The following AKAP8 variants were observed in gnomAD, a reference collection of about 807,000 sequenced individuals.
AKAP8 encodes the protein A-kinase anchoring protein 8, also known as A-kinase anchor protein 8.
Under a neutral mutation model 67.5 loss-of-function variants are expected in AKAP8, and 24 were observed. The observed-to-expected ratio is 0.36, with a 90% CI of 0.26 to 0.50. AKAP8 has a LOEUF of 0.50. Ranked by LOEUF, AKAP8 falls within the 20% of genes least tolerant of loss-of-function variation. The pLI is 0.97. For synonymous variants in AKAP8, 400 were observed against 371.1 expected (o/e 1.08, Z -0.90); for missense variants, 971 against 955.9 (o/e 1.02, Z -0.21).
In AKAP8 at chr19:15,359,029, G is replaced by A; in HGVS notation, c.1561C>T (p.His521Tyr). 1.9e-6 allele frequency: 3 copies of A among 1,614,196 alleles called. No homozygotes were observed. The highest frequency in any genetic ancestry group is 2.5e-6 in the Non-Finnish European group (3 of 1,180,056). ...AAEQFKKTSL[H>Y]VAKSVLNNRH... ...TTGTTCAAAACACTCTTAGCCACATGGAGACTGGTTTTCTTGAACTGTTCA... is the reference window on the plus strand; with the variant it reads ...TTGTTCAAAACACTCTTAGCCACATAGAGACTGGTTTTCTTGAACTGTTCA... The change falls in exon 13 of 14, where the codon CAT becomes TAT. Residue 521 changes from histidine to tyrosine, a missense_variant. This residue lies in a region of AKAP8 where 763 missense variants were observed against 745.4 expected (regional missense o/e 1.02). Coordinates refer to ENST00000269701, the MANE Select transcript of AKAP8 (RefSeq NM_005858.4).
chr19:15,357,959 A>G (rs1966906684), intron 13 of AKAP8, among the ~76,000 whole-genome samples: 1 of 152,120 alleles, frequency 6.6e-6, no homozygotes, highest in South Asian at 2.1e-4. Flanking sequence ...CTGGGATTAC[A>G]GGTGTGAGCC....
chr19:15,355,241 C>T lies in AKAP8; in HGVS notation c.1753G>A (p.Ala585Thr). Reference sequence around the variant, plus strand: ...CCTTCCCCATCTACGGCCCTCACTGCTGCTGTAATCACCTCTGCTAAGACG... The same window carrying T: ...CCTTCCCCATCTACGGCCCTCACTGTTGCTGTAATCACCTCTGCTAAGACG... ...ADVLAEVITAAVRAVDGEGAP... is the reference protein window; with the variant it reads ...ADVLAEVITATVRAVDGEGAP... Residue 585 changes from alanine to threonine, a missense_variant, in exon 14 of 14, where the codon GCA becomes ACA. Physicochemically the swap from Ala to Thr is moderately conservative, Grantham distance 58. Transcript: ENST00000269701. 1 of 1,611,902 alleles carries T rather than the reference C, an allele frequency of 6.2e-7. No homozygotes were observed. The highest frequency in any genetic ancestry group is 8.5e-7 in the Non-Finnish European group (1 of 1,180,024).
chr19:15,363,243 C>A (rs543846317), intron 9 of AKAP8, among the ~76,000 whole-genome samples: 2 of 150,534 alleles, frequency 1.3e-5, no homozygotes, highest in Non-Finnish European at 3.0e-5. Flanking sequence ...ATCAGCCCCC[C>A]GCCCGGCCAG....
rs768497457 is a variant in AKAP8 at position 15,355,190 on chromosome 19, C to G, written c.1804G>C (p.Glu602Gln). 16 of 1,611,854 alleles carry G rather than the reference C, an allele frequency of 9.9e-6. No homozygotes were observed. The South Asian group carries it at 1.6e-4, about 17-fold the overall frequency. ...EGAPAPESSG[E>Q]PAEDEGPTDT... The stretch of plus-strand genomic sequence containing the variant: ...GTGGGGCCTTCGTCCTCAGCCGGCT[C>G]CCCGCTGCTCTCTGGAGCGGGCGCT... Residue 602 changes from glutamate (E) to glutamine (Q), a missense_variant, in exon 14 of 14, where the codon GAG (glutamate) becomes CAG (glutamine). Glu to Gln is a conservative substitution (Grantham distance 29). Around this residue, in one of 3 missense-constraint regions of AKAP8, gnomAD observed 204 missense variants for 193.0 expected, o/e 1.06. Transcript: ENST00000269701.
Position 15,373,770 on chromosome 19 carries a change from T to C in AKAP8, c.371+16A>G. 6.3e-7 allele frequency: 1 copy of C among 1,599,594 alleles called. No homozygotes were observed. The highest frequency in any genetic ancestry group is 8.5e-7 in the Non-Finnish European group (1 of 1,176,558). ...GATGTGTGGGGTCCCGGGGGAGGGC[T>C]TGGGTCCATAATCACCTCTCCCGGT... is the stretch of plus-strand genomic sequence containing the variant. On this transcript the variant is annotated intron_variant, in intron 4 of 13. Coordinates refer to ENST00000269701, the MANE Select transcript of AKAP8 (RefSeq NM_005858.4).
In AKAP8 at chr19:15,363,373, G is replaced by T. The variant is rs1197235385; in HGVS notation, c.1161-1122C>A. On this transcript the variant is annotated intron_variant, in intron 9 of 13. Coordinates refer to ENST00000269701, the MANE Select transcript of AKAP8 (RefSeq NM_005858.4). ...GGAGGTGGGGGGGGGTCAGCCCCCCGCCCGGCCAGCCGCCCCGTCCGGGAA... is the reference window on the plus strand; with the variant it reads ...GGAGGTGGGGGGGGGTCAGCCCCCCTCCCGGCCAGCCGCCCCGTCCGGGAA... 4.5e-4 allele frequency among the ~76,000 whole-genome samples: 46 copies of T among 102,390 alleles called. 2 individuals carry two copies. Among genetic ancestry groups the T allele is most frequent in the Admixed American group, 1.3e-3 (13 of 9,778 alleles). 67.2% of individuals were successfully genotyped at this position (102,390 alleles called of 152,430 possible). A position where few individuals can be genotyped will look rare whatever the true frequency, so the allele number is the denominator to read the frequency against.
At chr19:15,355,900 C>T (rs1212284434) in intron 13 of AKAP8, among the ~76,000 whole-genome samples, 1 of 152,118 alleles carries the variant, frequency 6.6e-6, no homozygotes, top group South Asian at 2.1e-4. Context: ...CCACGCCCGG[C>T]TAATTTTGTA....
chr19:15,364,844 C>T (rs939515160), intron 9 of AKAP8, among the ~76,000 whole-genome samples: 4 of 152,158 alleles, frequency 2.6e-5, no homozygotes, highest in African/African-American at 9.7e-5. Flanking sequence ...TTCTCAAACT[C>T]CTGGGCTCAA....
chr19:15,373,739 G>A (rs771550417), intron 4 of AKAP8, 47 bp downstream of exon 4: 2 of 1,564,042 alleles, frequency 1.3e-6, no homozygotes, highest in Non-Finnish European at 8.6e-7. Context: ...TGCGCACAAA[G>A]GTGGGGATGT....
intron 13 of AKAP8, among the ~76,000 whole-genome samples, chr19:15,356,102 T>C (rs2048276503): frequency 6.6e-6 from 1 of 152,018 alleles, no homozygotes. Flanking sequence ...CTTGATGTTT[T>C]TTAAAAAAGG....
intron 9 of AKAP8, among the ~76,000 whole-genome samples, chr19:15,364,120 A>AAAAAAAG (rs1339797846): frequency 6.9e-6 from 1 of 144,842 alleles, no homozygotes; most frequent in Admixed American, 6.9e-5. Flanking sequence ...AAAAAAAAAA[A>AAAAAAAG]AAAAAGAAAC....
intron 2 of AKAP8, among the ~76,000 whole-genome samples, chr19:15,375,722 C>T (rs1967240724): frequency 6.6e-6 from 1 of 151,508 alleles, no homozygotes; most frequent in African/African-American, 2.4e-5. Context: ...CTGCAAGCTC[C>T]ACCTCCTGGG....
chr19:15,357,254 C>T (rs574437576), intron 13 of AKAP8, among the ~76,000 whole-genome samples: 5 of 151,394 alleles, frequency 3.3e-5, no homozygotes, highest in South Asian at 2.1e-4. Context: ...CCACCACGCC[C>T]GGCCACCCCA....
chr19:15,358,359 CTT>C (rs764788121), intron 13 of AKAP8, among the ~76,000 whole-genome samples: 2 of 143,878 alleles, frequency 1.4e-5, no homozygotes, highest in Non-Finnish European at 1.5e-5. Flanking sequence ...ACCTTGGATT[CTT>C]TTTTTTTTTT....
At chr19:15,358,127 C>CT (rs1457824678) in intron 13 of AKAP8, among the ~76,000 whole-genome samples, 3 of 152,162 alleles carry the variant, frequency 2.0e-5, no homozygotes, top group Admixed American at 2.0e-4. Flanking sequence ...GCCCCAAATG[C>CT]TAAAGTCCTG....
At chr19:15,377,620 C>T (rs369212763) in intron 1 of AKAP8, among the ~76,000 whole-genome samples, 12 of 152,212 alleles carry the variant, frequency 7.9e-5, no homozygotes, top group African/African-American at 2.7e-4. Context: ...AGGCGCCTGC[C>T]ACCACGCCCG....
In AKAP8 at chr19:15,353,499, C is replaced by G. The variant is rs529596823; in HGVS notation, c.*1416G>C. On this transcript the variant is annotated 3_prime_UTR_variant, in exon 14 of 14. Transcript: ENST00000269701. The stretch of plus-strand genomic sequence containing the variant: ...CTACACAACACAAACGGATGCTGAG[C>G]AGAAATGACCCAGAGGCACCATCGT... The G allele has an allele frequency of 7.9e-5, 12 of 152,100 alleles. No homozygotes were observed. The highest frequency in any genetic ancestry group is 2.9e-4 in the African/African-American group (12 of 41,514). 9.4% of individuals were successfully genotyped at this position (152,100 alleles called of 1,614,324 possible).
At chr19:15,356,969 C>CT (rs1274883069) in intron 13 of AKAP8, among the ~76,000 whole-genome samples, 2 of 151,866 alleles carry the variant, frequency 1.3e-5, no homozygotes, top group Non-Finnish European at 2.9e-5. Flanking sequence ...TCTCTCTTTT[C>CT]TTTTTTTGAG....
At chr19:15,370,079 G>T in intron 8 of AKAP8, 67 bp downstream of exon 8, 1 of 1,593,200 alleles carries the variant, frequency 6.3e-7, no homozygotes. Flanking sequence ...TTGCTCAGAA[G>T]CTGGGCAGTA....
Sources: allele counts gnomAD v4.1 joint callset (sites outside exome capture counted in the v4.1 genomes callset), GRCh38; gene constraint gnomAD v4.1.1; regional missense constraint gnomAD v4.1.1; transcripts MANE v1.5; gene names NCBI Gene and HGNC (gene_info 2026-07-23, HGNC 2026-07-21).